TMEM132D: variants seen among roughly 807,000 people sequenced by gnomAD.
TMEM132D encodes mature OL transmembrane protein.
A neutral mutation model predicts 62.3 loss-of-function variants in TMEM132D; 21 were observed. The observed-to-expected ratio is 0.34, with a 90% CI of 0.24 to 0.49. TMEM132D has a LOEUF of 0.49. Ranked by LOEUF, TMEM132D falls within the 20% of genes least tolerant of loss-of-function variation. The pLI is 0.99. For missense variants in TMEM132D, 1,346 were observed against 1,402.8 expected (o/e 0.96, Z 0.65); for synonymous variants, 621 against 575.6 (o/e 1.08, Z -1.13).
intron 4 of TMEM132D, among the ~76,000 whole-genome samples, chr12:129,267,180 T>C (rs1055438569): frequency 2.0e-5 from 3 of 152,154 alleles, no homozygotes; most frequent in Non-Finnish European, 4.4e-5. Context: ...TTTTTTTTCT[T>C]TTTCTTTTTC....
intron 2 of TMEM132D, among the ~76,000 whole-genome samples, chr12:129,563,507 A>G (rs956926316): frequency 1.3e-5 from 2 of 152,180 alleles, no homozygotes; most frequent in Non-Finnish European, 2.9e-5. Context: ...GGAGTTGGCA[A>G]TGTAATCAGG....
chr12:129,739,324 C>T (rs915054781), intron 1 of TMEM132D, among the ~76,000 whole-genome samples: 9 of 152,042 alleles, frequency 5.9e-5, no homozygotes, highest in African/African-American at 1.7e-4. Context: ...AAATTCCCAC[C>T]GCCTGATGAA....
intron 1 of TMEM132D, among the ~76,000 whole-genome samples, chr12:129,871,337 C>T (rs1203351886): frequency 6.6e-6 from 1 of 152,056 alleles, no homozygotes; most frequent in African/African-American, 2.4e-5. Flanking sequence ...GAGGGCAAGT[C>T]TGCCCAAGAG....
chr12:129,203,194 C>T (rs141884946), intron 5 of TMEM132D, among the ~76,000 whole-genome samples: 4 of 152,282 alleles, frequency 2.6e-5, no homozygotes, highest in African/African-American at 7.2e-5. Context: ...GTAACTAACC[C>T]GGCTGCATCT....
chr12:129,718,575 G>A (rs1474432144), intron 1 of TMEM132D, among the ~76,000 whole-genome samples: 1 of 152,158 alleles, frequency 6.6e-6, no homozygotes, highest in African/African-American at 2.4e-5. Context: ...TGGAGAAAGT[G>A]GGGAGAAAAA....
At chr12:129,306,182 C>T (rs551867691) in intron 4 of TMEM132D, among the ~76,000 whole-genome samples, 11 of 152,252 alleles carry the variant, frequency 7.2e-5, no homozygotes, top group South Asian at 2.1e-4. Flanking sequence ...TATAACACCT[C>T]GGTTACCAAA....
chr12:129,852,114 T>G (rs1183192872), intron 1 of TMEM132D: 1 of 152,150 alleles, frequency 6.6e-6, no homozygotes, highest in African/African-American at 2.4e-5. Flanking sequence ...CTTGTGCAAA[T>G]GTGTAAAGCC....
At chr12:129,088,556 G>GA (rs781322138) in intron 5 of TMEM132D, among the ~76,000 whole-genome samples, 1 of 27,724 alleles carries the variant, frequency 3.6e-5, no homozygotes, top group Non-Finnish European at 6.1e-5. Flanking sequence ...CCCTGACCGG[G>GA]TGTCCTCCCT....
At chr12:129,686,146 C>T (rs80140177) in intron 2 of TMEM132D, among the ~76,000 whole-genome samples, 3,318 of 152,174 alleles carry the variant, frequency 0.022, 170 homozygotes, top group South Asian at 0.12. Flanking sequence ...GAAGGCATGA[C>T]TATGTTTTGA....
intron 3 of TMEM132D, among the ~76,000 whole-genome samples, chr12:129,455,392 C>A (rs1282902873): frequency 1.3e-5 from 2 of 152,108 alleles, no homozygotes; most frequent in Non-Finnish European, 2.9e-5. Flanking sequence ...TATCTTATAT[C>A]GTGGTTTTGA....
chr12:129,227,800 C>T (rs1879522668), intron 4 of TMEM132D, among the ~76,000 whole-genome samples: 1 of 151,956 alleles, frequency 6.6e-6, no homozygotes, highest in Non-Finnish European at 1.5e-5. Flanking sequence ...TTCCTGTGTC[C>T]AAGAGTTCTT....
At chr12:129,602,210 C>A (rs1465693203) in intron 2 of TMEM132D, among the ~76,000 whole-genome samples, 4 of 152,132 alleles carry the variant, frequency 2.6e-5, no homozygotes, top group African/African-American at 9.7e-5. Flanking sequence ...ACTAGACCGC[C>A]TGTATGCAAG....
intron 2 of TMEM132D, among the ~76,000 whole-genome samples, chr12:129,555,710 T>C (rs1475756569): frequency 1.3e-5 from 2 of 152,132 alleles, no homozygotes; most frequent in African/African-American, 4.8e-5. Flanking sequence ...CACATATCCT[T>C]TTATAACCCA....
chr12:129,545,422 T>C (rs1017096332), intron 2 of TMEM132D, among the ~76,000 whole-genome samples: 3 of 152,122 alleles, frequency 2.0e-5, no homozygotes, highest in African/African-American at 7.2e-5. Context: ...TTATTTTTAC[T>C]TTTTCTTTTA....
chr12:129,615,429 A>G (rs745456060), intron 2 of TMEM132D, among the ~76,000 whole-genome samples: 2 of 151,638 alleles, frequency 1.3e-5, no homozygotes, highest in Non-Finnish European at 2.9e-5. Flanking sequence ...TTAATTTATA[A>G]TTACATTTAA....
chr12:129,291,342 A>G (rs1881441874), intron 4 of TMEM132D, among the ~76,000 whole-genome samples: 1 of 152,194 alleles, frequency 6.6e-6, no homozygotes, highest in African/African-American at 2.4e-5. Context: ...TTATGGTGCA[A>G]CTTCACTTTA....
intron 4 of TMEM132D, among the ~76,000 whole-genome samples, chr12:129,217,342 G>T (rs12309503): frequency 0.048 from 7,268 of 152,234 alleles, 370 homozygotes; most frequent in African/African-American, 0.12. Flanking sequence ...ATAAGTGTGA[G>T]CTAAATGTTG....
At chr12:129,376,111 G>GA (rs1870772720) in intron 3 of TMEM132D, among the ~76,000 whole-genome samples, 1 of 152,072 alleles carries the variant, frequency 6.6e-6, no homozygotes, top group African/African-American at 2.4e-5. Context: ...GGTTCCTGGA[G>GA]AAAAAAGACA....
intron 1 of TMEM132D, among the ~76,000 whole-genome samples, chr12:129,865,618 G>A (rs942488770): frequency 6.6e-6 from 1 of 152,226 alleles, no homozygotes; most frequent in East Asian, 1.9e-4. Context: ...TGTATTTTAA[G>A]CATCCTGGCT....
Sources: allele counts gnomAD v4.1 joint callset (sites outside exome capture counted in the v4.1 genomes callset), GRCh38; gene constraint gnomAD v4.1.1; transcripts MANE v1.5; gene names NCBI Gene and HGNC (gene_info 2026-07-23, HGNC 2026-07-21).